Variants in AK9 observed in about 807,000 individuals in gnomAD.
The protein encoded by AK9 is adenylate kinase 9.
AK9 carries 191 observed loss-of-function variants against 239.6 expected under a neutral mutation model. The observed-to-expected ratio is 0.80, with a 90% CI of 0.71 to 0.90. AK9 has a LOEUF of 0.90. Among genes scored for constraint, AK9 ranks in the 40% least tolerant of loss-of-function variants. AK9 has a pLI of 0.00. For synonymous variants in AK9, 689 were observed against 721.0 expected (o/e 0.96, Z 0.71); for missense variants, 1,995 against 2,214.7 (o/e 0.90, Z 1.99).
chr6:109,563,835 A>G, intron 23 of AK9, 123 bp from the exon 24 acceptor site: 1 of 1,249,406 alleles, frequency 8.0e-7, no homozygotes, highest in Non-Finnish European at 1.1e-6. Flanking sequence ...TTAAATATGT[A>G]TGCAAATAGG....
At chr6:109,663,278 T>C (rs543783098) in intron 5 of AK9, among the ~76,000 whole-genome samples, 70 of 152,304 alleles carry the variant, frequency 4.6e-4, no homozygotes, top group African/African-American at 1.7e-3. Context: ...TCTTCAATTA[T>C]GTTACTGTCT....
chr6:109,588,291 G>A (rs1033698185), intron 17 of AK9, among the ~76,000 whole-genome samples: 4 of 151,956 alleles, frequency 2.6e-5, no homozygotes, highest in African/African-American at 9.7e-5. Flanking sequence ...GGATGGTCTC[G>A]ATCTCCTGAC....
intron 25 of AK9, among the ~76,000 whole-genome samples, chr6:109,548,089 G>C (rs1004128152): frequency 1.4e-4 from 22 of 152,088 alleles, no homozygotes; most frequent in Admixed American, 1.4e-3. Context: ...GTGAAGAAAG[G>C]GGAACACTTG....
intron 1 of AK9, among the ~76,000 whole-genome samples, chr6:109,688,529 C>T (rs1396189414): frequency 6.6e-6 from 1 of 152,182 alleles, no homozygotes; most frequent in Non-Finnish European, 1.5e-5. Context: ...CTCTTAAAGG[C>T]ACAGCTAAGG....
chr6:109,674,849 CCATG>C, intron 2 of AK9, among the ~76,000 whole-genome samples: 1 of 152,176 alleles, frequency 6.6e-6, no homozygotes, highest in East Asian at 1.9e-4. Flanking sequence ...GTCCCAGGGT[CCATG>C]TAAAGTAAGT....
At position 109,675,741 on chromosome 6, in the gene AK9, G is replaced by A. The variant is rs1771619290; in HGVS notation, c.5C>T (p.Thr2Ile). Residue 2 changes from threonine (T) to isoleucine (I), a missense_variant, in exon 2 of 41, where the codon ACT (threonine) becomes ATT (isoleucine). This residue lies in a region of AK9 where 252 missense variants were observed against 246.4 expected (regional missense o/e 1.02). Transcript: ENST00000424296. ...ATACTCTTCTGTCTTCTCTTGAGAAGTCATGACACAAAATACTACAATAAA... is the reference window on the plus strand; with the variant it reads ...ATACTCTTCTGTCTTCTCTTGAGAAATCATGACACAAAATACTACAATAAA... MTSQEKTEEYPF... is the reference protein window; with the variant it reads MISQEKTEEYPF... 1 of 1,559,928 alleles carries A rather than the reference G, an allele frequency of 6.4e-7. No individual in the cohort carries two copies. Among genetic ancestry groups the A allele is most frequent in the Non-Finnish European group, 8.7e-7 (1 of 1,148,326 alleles).
chr6:109,648,257 A>G (rs1798362511), intron 8 of AK9, among the ~76,000 whole-genome samples: 1 of 152,142 alleles, frequency 6.6e-6, no homozygotes, highest in South Asian at 2.1e-4. Flanking sequence ...AACTGAAGGA[A>G]ATAGAGACAC....
intron 29 of AK9, among the ~76,000 whole-genome samples, chr6:109,526,794 C>T (rs1300176694): frequency 1.3e-5 from 2 of 152,124 alleles, no homozygotes; most frequent in Non-Finnish European, 2.9e-5. Context: ...AACCCGTATA[C>T]CCATGCACAC....
intron 12 of AK9, chr6:109,631,998 C>T (rs1376282799): frequency 4.5e-6 from 1 of 220,018 alleles, no homozygotes; most frequent in Non-Finnish European, 7.7e-6. Flanking sequence ...CCATAAAATT[C>T]TGGGCAGTGG....
At chr6:109,538,583 T>C (rs907354170) in intron 27 of AK9, among the ~76,000 whole-genome samples, 6 of 151,988 alleles carry the variant, frequency 3.9e-5, no homozygotes, top group African/African-American at 1.2e-4. Flanking sequence ...TGTCTTTTAA[T>C]TGGAGCATTT....
At chr6:109,689,204 T>A (rs1773954054) in intron 1 of AK9, among the ~76,000 whole-genome samples, 1 of 152,124 alleles carries the variant, frequency 6.6e-6, no homozygotes, top group Non-Finnish European at 1.5e-5. Context: ...TTTTTGTAAG[T>A]CCTTTTCTTT....
At chr6:109,563,568 G>A in intron 24 of AK9, 29 bp downstream of exon 24, 6 of 1,546,794 alleles carry the variant, frequency 3.9e-6, no homozygotes, top group Non-Finnish European at 5.2e-6. Flanking sequence ...CTTCACAAAT[G>A]AGAATGAGTA....
Position 109,625,213 on chromosome 6 carries a change from G to A in AK9, c.1255-5977C>T, listed in dbSNP as rs73519244. Among the ~76,000 whole-genome samples, 953 of 152,286 alleles carry A rather than the reference G, an allele frequency of 6.3e-3. 16 individuals are homozygous for A. The highest frequency in any genetic ancestry group is 0.022 in the African/African-American group (906 of 41,568). The stretch of plus-strand genomic sequence containing the variant: ...GAAACTCGTAGTCATCAGAAGGCCA[G>A]AAGTGTCTTTTATCCGAAAATGTCT... On this transcript the variant is annotated intron_variant, in intron 12 of 40. Transcript: ENST00000424296.
At chr6:109,554,064 G>A (rs1449751675) in intron 24 of AK9, among the ~76,000 whole-genome samples, 1 of 152,140 alleles carries the variant, frequency 6.6e-6, no homozygotes, top group Non-Finnish European at 1.5e-5. Flanking sequence ...CTTGATCATG[G>A]TGGATAACTT....
At chr6:109,532,630 C>T (rs1256185803) in intron 28 of AK9, among the ~76,000 whole-genome samples, 1 of 152,002 alleles carries the variant, frequency 6.6e-6, no homozygotes, top group African/African-American at 2.4e-5. Context: ...AAGGATATAC[C>T]ACCTTTTATT....
Position 109,536,918 on chromosome 6 carries a change from G to A in AK9, c.3351-3448C>T, listed in dbSNP as rs375626349. 2.6e-4 allele frequency among the ~76,000 whole-genome samples: 40 copies of A among 152,240 alleles called. 1 individual carries two copies. In the Middle Eastern group the frequency reaches 0.01, roughly 39 times the overall value. On this transcript the variant is annotated intron_variant, in intron 27 of 40. Transcript: ENST00000424296. ...TGCTGGTTTGTGTTTATTGATTTGC[G>A]TATGTTGAACCAGCCTTGCATCCTA...
chr6:109,649,332 T>TGC (rs1583422225), intron 8 of AK9, among the ~76,000 whole-genome samples: 2 of 150,594 alleles, frequency 1.3e-5, no homozygotes, highest in East Asian at 3.9e-4. Context: ...TGATTGCATA[T>TGC]CTAGAAAACC....
At chr6:109,521,739 A>G (rs1779884690) in intron 29 of AK9, among the ~76,000 whole-genome samples, 1 of 152,100 alleles carries the variant, frequency 6.6e-6, no homozygotes, top group South Asian at 2.1e-4. Flanking sequence ...GTATCAAGAA[A>G]CATGCACTAT....
At chr6:109,577,902 C>CTT (rs1171742922) in intron 20 of AK9, among the ~76,000 whole-genome samples, 2 of 91,332 alleles carry the variant, frequency 2.2e-5, no homozygotes, top group Non-Finnish European at 4.1e-5. Context: ...CTCTCTCTTT[C>CTT]TCTCTTTCTT....
Sources: gnomAD v4.1 joint callset for allele counts (sites outside exome capture counted in the v4.1 genomes callset) on GRCh38, gnomAD v4.1.1 for gene constraint, gnomAD v4.1.1 regional missense constraint, MANE v1.5 for transcripts, NCBI Gene and HGNC (gene_info 2026-07-23, HGNC 2026-07-21) for gene names.